The following OSBPL11 variants were observed in gnomAD, a reference collection of about 807,000 sequenced individuals.
OSBPL11 encodes oxysterol-binding protein-related protein 11.
Under a neutral mutation model 84.4 loss-of-function variants are expected in OSBPL11, and 33 were observed. That is an observed-to-expected ratio of 0.39 (90% CI 0.30 to 0.52). OSBPL11 has a LOEUF of 0.52. Among genes scored for constraint, OSBPL11 ranks in the 20% least tolerant of loss-of-function variants. OSBPL11 has a pLI of 0.72. For synonymous variants in OSBPL11, 276 were observed against 310.2 expected (o/e 0.89, Z 1.16); for missense variants, 736 against 901.1 (o/e 0.82, Z 2.35).
At chr3:125,539,327 ATATATATATATATATAT>A (rs1935690870) in intron 10 of OSBPL11, among the ~76,000 whole-genome samples, 1 of 114,832 alleles carries the variant, frequency 8.7e-6, no homozygotes, top group Non-Finnish European at 1.7e-5. Flanking sequence ...ATATATATAT[ATATATATATATATATAT>A]AATAGCTATA....
chr3:125,568,986 C>T (rs188206318), intron 5 of OSBPL11, among the ~76,000 whole-genome samples: 14 of 151,798 alleles, frequency 9.2e-5, no homozygotes, highest in East Asian at 3.9e-4. Context: ...CTCACTCTGT[C>T]GCCTAGGCTG....
rs56164804 is a variant in OSBPL11 at position 125,534,951 on chromosome 3, G to GAAAA, written c.2025-2941_2025-2938dup. Among the ~76,000 whole-genome samples, 221 of 64,642 alleles carry GAAAA rather than the reference G, an allele frequency of 3.4e-3. 9 individuals carry two copies. Among genetic ancestry groups the GAAAA allele is most frequent in the African/African-American group, 9.3e-3 (124 of 13,298 alleles). The allele number at this position is 64,642 out of a possible 152,430, so 42.4% of individuals were successfully genotyped here. On this transcript the variant is annotated intron_variant, in intron 11 of 12. Coordinates refer to ENST00000296220, the MANE Select transcript of OSBPL11 (RefSeq NM_022776.5). ...CCTAAGCTTCCATTGTAAGAAATTAGAAAAAAAAAAAAAAAAAAAAAAAAA... is the reference window on the plus strand; with the variant it reads ...CCTAAGCTTCCATTGTAAGAAATTAGAAAAAAAAAAAAAAAAAAAAAAAAAAAAA...
At chr3:125,581,695 CAA>C (rs1189619626) in intron 2 of OSBPL11, among the ~76,000 whole-genome samples, 160 of 63,818 alleles carry the variant, frequency 2.5e-3, no homozygotes, top group African/African-American at 7.2e-3. Context: ...GACTCCATCT[CAA>C]AAAAAAAAAA....
At chr3:125,569,388 G>GA (rs1168152756) in intron 5 of OSBPL11, among the ~76,000 whole-genome samples, 2 of 151,804 alleles carry the variant, frequency 1.3e-5, no homozygotes, top group African/African-American at 4.8e-5. Flanking sequence ...ACCCATCCCA[G>GA]AAAAAAAGGT....
intron 5 of OSBPL11, among the ~76,000 whole-genome samples, chr3:125,572,420 T>A (rs1936256176): frequency 6.6e-6 from 1 of 152,072 alleles, no homozygotes; most frequent in Admixed American, 6.5e-5. Flanking sequence ...TGTGAGGAGA[T>A]GAGATTTGGG....
At chr3:125,539,694 G>A (rs1384854658) in intron 10 of OSBPL11, among the ~76,000 whole-genome samples, 2 of 151,910 alleles carry the variant, frequency 1.3e-5, no homozygotes, top group African/African-American at 2.4e-5. Flanking sequence ...GGTGATCTGC[G>A]TGCCTCGGCC....
intron 10 of OSBPL11, among the ~76,000 whole-genome samples, chr3:125,542,609 C>T (rs1209402587): frequency 6.6e-6 from 1 of 151,352 alleles, no homozygotes; most frequent in Non-Finnish European, 1.5e-5. Flanking sequence ...CCCAGGTTCA[C>T]GCCATTCTCC....
intron 1 of OSBPL11, among the ~76,000 whole-genome samples, chr3:125,587,382 G>C (rs1213425768): frequency 6.6e-6 from 1 of 152,184 alleles, no homozygotes; most frequent in African/African-American, 2.4e-5. Flanking sequence ...GGACTATACA[G>C]GGAGATATCC....
chr3:125,570,659 G>A (rs913719594), intron 5 of OSBPL11, among the ~76,000 whole-genome samples: 4 of 152,160 alleles, frequency 2.6e-5, no homozygotes, highest in East Asian at 3.9e-4. Flanking sequence ...TAAGTCTCAT[G>A]AGATCTGATG....
intron 3 of OSBPL11, among the ~76,000 whole-genome samples, 198 bp downstream of exon 3, chr3:125,579,667 C>T: frequency 6.6e-6 from 1 of 152,312 alleles, no homozygotes; most frequent in South Asian, 2.1e-4. Flanking sequence ...AACAAACATA[C>T]ATTGTCCCAC....
At chr3:125,554,220 A>C (rs1030017125) in intron 8 of OSBPL11, among the ~76,000 whole-genome samples, 5 of 152,250 alleles carry the variant, frequency 3.3e-5, no homozygotes, top group Non-Finnish European at 5.9e-5. Context: ...ACTGGAGAAT[A>C]GCAAGGAATT....
intron 8 of OSBPL11, among the ~76,000 whole-genome samples, chr3:125,559,793 G>C (rs950359884): frequency 5.9e-5 from 9 of 152,056 alleles, no homozygotes; most frequent in African/African-American, 2.2e-4. Context: ...CTCCTGAGAC[G>C]GGTTTCACCT....
chr3:125,578,287 A>C (rs1395216452), intron 4 of OSBPL11, among the ~76,000 whole-genome samples: 24 of 152,210 alleles, frequency 1.6e-4, no homozygotes. Flanking sequence ...CAAACCCCAT[A>C]TTATATGGTT....
chr3:125,545,557 G>C (rs551696369), intron 10 of OSBPL11, among the ~76,000 whole-genome samples: 6 of 152,168 alleles, frequency 3.9e-5, no homozygotes, highest in African/African-American at 1.4e-4. Context: ...GGCAAAGATA[G>C]TCTTTATTTT....
chr3:125,592,978 A>G (rs1300460015), intron 1 of OSBPL11, among the ~76,000 whole-genome samples: 2 of 152,226 alleles, frequency 1.3e-5, no homozygotes, highest in Non-Finnish European at 2.9e-5. Context: ...ACACAAAACT[A>G]TAACAAGAGA....
At chr3:125,578,763 T>A (rs1936372777) in intron 4 of OSBPL11, among the ~76,000 whole-genome samples, 197 bp downstream of exon 4, 1 of 149,710 alleles carries the variant, frequency 6.7e-6, no homozygotes, top group Non-Finnish European at 1.5e-5. Context: ...AGAGAGAGAC[T>A]CCGTCTCAAA....
rs749078812 is a variant in OSBPL11 at position 125,576,328 on chromosome 3, G to T, written c.527C>A (p.Ala176Glu). 6.3e-7 allele frequency: 1 copy of T among 1,598,944 alleles called. No homozygotes were observed. Among genetic ancestry groups the T allele is most frequent in the Non-Finnish European group, 8.5e-7 (1 of 1,176,268 alleles). Residue 176 changes from alanine (A) to glutamate (E), a missense_variant, in exon 5 of 13, where the codon GCA becomes GAA. Ala to Glu is a moderately radical substitution (Grantham distance 107, BLOSUM62 -1). Coordinates refer to ENST00000296220, the MANE Select transcript of OSBPL11 (RefSeq NM_022776.5). ...CGATATAGGAGAATTACTACTAGAT[G>T]CAAGTGAGAAGCTCCGTGACTTCAG... The part of the protein sequence containing the change: ...PPLKSRSFSL[A>E]SSSNSPISQR...
At position 125,594,137 on chromosome 3, in the gene OSBPL11, T is replaced by C. The variant is rs77005315; in HGVS notation, c.164+500A>G. On this transcript the variant is annotated intron_variant, in intron 1 of 12. Coordinates refer to ENST00000296220, the MANE Select transcript of OSBPL11 (RefSeq NM_022776.5). The stretch of plus-strand genomic sequence containing the variant: ...GGCATTAGGATCTCTACCTTTGTCC[T>C]TGCATTCCAATTACTTATGTACATT... Among the ~76,000 whole-genome samples, 417 of 148,930 alleles carry C rather than the reference T, an allele frequency of 2.8e-3. 7 individuals are homozygous for C. The highest frequency in any genetic ancestry group is 0.022 in the East Asian group (115 of 5,192).
intron 6 of OSBPL11, 63 bp from the exon 7 acceptor site, chr3:125,563,906 T>C: frequency 6.3e-7 from 1 of 1,585,088 alleles, no homozygotes; most frequent in Non-Finnish European, 8.6e-7. Flanking sequence ...TCGGCAGATG[T>C]GGATTTTAAC....
Sources: gnomAD v4.1 joint callset for allele counts (sites outside exome capture counted in the v4.1 genomes callset) on GRCh38, gnomAD v4.1.1 for gene constraint, MANE v1.5 for transcripts, NCBI Gene and HGNC (gene_info 2026-07-23, HGNC 2026-07-21) for gene names.